WASL: variants seen among roughly 807,000 people sequenced by gnomAD.
WASL encodes WASP like actin nucleation promoting factor, also known as actin nucleation-promoting factor WASL.
WASL carries 20 observed loss-of-function variants against 55.5 expected under a neutral mutation model. The observed-to-expected ratio is 0.36, with a 90% CI of 0.25 to 0.52. The LOEUF is 0.52. WASL is among the 20% of genes least tolerant of loss of function. The pLI is 0.92. For missense variants in WASL, 504 were observed against 622.5 expected (o/e 0.81, Z 2.03); for synonymous variants, 249 against 217.6 (o/e 1.14, Z -1.27).
chr7:123,697,405 T>C (rs1383217666), intron 5 of WASL, among the ~76,000 whole-genome samples: 1 of 152,196 alleles, frequency 6.6e-6, no homozygotes, highest in South Asian at 2.1e-4. Context: ...ATATTATTAA[T>C]AGTATCTTCA....
At chr7:123,690,613 C>CT (rs1272045755) in intron 9 of WASL, among the ~76,000 whole-genome samples, 1,341 of 52,508 alleles carry the variant, frequency 0.026, 13 homozygotes, top group South Asian at 0.21. Flanking sequence ...TTTGCTGCTT[C>CT]TTTTTTTTTT....
At chr7:123,684,636 A>T in intron 10 of WASL, 56 bp from the exon 11 acceptor site, 1 of 1,472,366 alleles carries the variant, frequency 6.8e-7, no homozygotes, top group Non-Finnish European at 9.1e-7. Flanking sequence ...ACATTACATA[A>T]TTCTTGGGTG....
chr7:123,713,388 A>C (rs1398659913), intron 1 of WASL, among the ~76,000 whole-genome samples: 1 of 152,138 alleles, frequency 6.6e-6, no homozygotes, highest in African/African-American at 2.4e-5. Context: ...CCTGACCTCA[A>C]GTGATCCTCC....
At chr7:123,703,908 C>T (rs1301861463) in intron 5 of WASL, among the ~76,000 whole-genome samples, 1 of 152,066 alleles carries the variant, frequency 6.6e-6, no homozygotes, top group Admixed American at 6.6e-5. Flanking sequence ...CATTTAAATA[C>T]GATGAAAGCC....
At chr7:123,693,126 A>G (rs1803440501) in intron 8 of WASL, among the ~76,000 whole-genome samples, 1 of 152,218 alleles carries the variant, frequency 6.6e-6, no homozygotes, top group East Asian at 1.9e-4. Context: ...TTTTGGAATT[A>G]GTACCAGTTC....
At chr7:123,734,410 T>C (rs932271565) in intron 1 of WASL, among the ~76,000 whole-genome samples, 10 of 151,980 alleles carry the variant, frequency 6.6e-5, no homozygotes, top group Non-Finnish European at 1.5e-4. Context: ...CATTAGGGAA[T>C]TGCAAAAGCA....
intron 1 of WASL, among the ~76,000 whole-genome samples, chr7:123,718,898 AG>A (rs1803890837): frequency 1.3e-5 from 2 of 152,226 alleles, no homozygotes; most frequent in African/African-American, 4.8e-5. Flanking sequence ...CTTTCATTCA[AG>A]TATCTGTTGA....
intron 1 of WASL, among the ~76,000 whole-genome samples, chr7:123,715,980 A>G (rs1034998907): frequency 3.3e-5 from 5 of 152,172 alleles, no homozygotes; most frequent in African/African-American, 1.2e-4. Flanking sequence ...GGGTGAGGAC[A>G]CTGTGTTAAA....
chr7:123,724,110 G>GTT (rs1804001461), intron 1 of WASL, among the ~76,000 whole-genome samples: 1 of 152,068 alleles, frequency 6.6e-6, no homozygotes, highest in Admixed American at 6.6e-5. Flanking sequence ...TTATTCTTTC[G>GTT]TAAGTGCTTG....
At chr7:123,716,459 C>A (rs941097431) in intron 1 of WASL, among the ~76,000 whole-genome samples, 12 of 151,958 alleles carry the variant, frequency 7.9e-5, no homozygotes, top group African/African-American at 2.7e-4. Flanking sequence ...CTGCTTGAAT[C>A]TGCTTGACGA....
intron 1 of WASL, among the ~76,000 whole-genome samples, chr7:123,744,257 A>C (rs1804393543): frequency 6.6e-6 from 1 of 152,224 alleles, no homozygotes; most frequent in Admixed American, 6.5e-5. Context: ...TAATAAATGA[A>C]GACTAAAGTC....
chr7:123,744,191 G>A (rs1390029175), intron 1 of WASL, among the ~76,000 whole-genome samples: 1 of 152,142 alleles, frequency 6.6e-6, no homozygotes, highest in Non-Finnish European at 1.5e-5. Context: ...ACTACTGTTA[G>A]ACAACTGTTA....
At chr7:123,712,420 C>T (rs1803773546) in intron 1 of WASL, among the ~76,000 whole-genome samples, 1 of 151,884 alleles carries the variant, frequency 6.6e-6, no homozygotes, top group South Asian at 2.1e-4. Flanking sequence ...CAGAATGACT[C>T]TGATTTTAGG....
chr7:123,692,686 T>C lies in WASL; in HGVS notation c.1008A>G (p.Pro336=). The C allele has an allele frequency of 1.3e-6, 2 of 1,531,658 alleles. No homozygotes were observed. The highest frequency in any genetic ancestry group is 2.3e-5 in the East Asian group (1 of 44,132). 94.9% of individuals were successfully genotyped at this position (1,531,658 alleles called of 1,614,324 possible). The change falls in exon 9 of 11, where the codon CCA becomes CCG. Residue 336 remains proline (P), a synonymous_variant. Coordinates refer to ENST00000223023, the MANE Select transcript of WASL (RefSeq NM_003941.4). ...PPSRPSVAVP[P]PPPNRMYPPP... ...GAGGGTACATCCTATTTGGCGGTGG[T>C]GGAGGGACTGCTACACTTGGCCTGG...
At chr7:123,742,527 A>T (rs993975088) in intron 1 of WASL, among the ~76,000 whole-genome samples, 5 of 152,200 alleles carry the variant, frequency 3.3e-5, no homozygotes. Flanking sequence ...TTGGAAAATA[A>T]GCAGTAACAT....
chr7:123,712,105 TTC>T (rs1284915555), intron 1 of WASL, among the ~76,000 whole-genome samples: 1 of 152,190 alleles, frequency 6.6e-6, no homozygotes, highest in Non-Finnish European at 1.5e-5. Context: ...TGAGAAGTAT[TTC>T]TCTGATTCCT....
At chr7:123,745,135 T>C (rs1225645091) in intron 1 of WASL, among the ~76,000 whole-genome samples, 1 of 152,162 alleles carries the variant, frequency 6.6e-6, no homozygotes, top group African/African-American at 2.4e-5. Context: ...CTGCCTTTAT[T>C]GAAACTCCCT....
intron 1 of WASL, among the ~76,000 whole-genome samples, chr7:123,745,803 A>C (rs1804421323): frequency 6.6e-6 from 1 of 152,000 alleles, no homozygotes; most frequent in Non-Finnish European, 1.5e-5. Context: ...AACAAACCTA[A>C]CAAACTTATT....
At chr7:123,730,850 G>T (rs560259887) in intron 1 of WASL, among the ~76,000 whole-genome samples, 1 of 152,144 alleles carries the variant, frequency 6.6e-6, no homozygotes, top group Middle Eastern at 3.4e-3. Context: ...TTTGTTATAC[G>T]GGTAAATTGC....
Sources: gnomAD v4.1 joint callset for allele counts (sites outside exome capture counted in the v4.1 genomes callset) on GRCh38, gnomAD v4.1.1 for gene constraint, MANE v1.5 for transcripts, NCBI Gene and HGNC (gene_info 2026-07-23, HGNC 2026-07-21) for gene names.